TAS2R1: variants seen among roughly 807,000 people sequenced by gnomAD.
TAS2R1 encodes the protein taste receptor type 2 member 1.
For missense variants in TAS2R1, 370 were observed against 353.4 expected, an observed-to-expected ratio of 1.05 and a Z score of -0.38; for synonymous variants, 141 against 134.2, an observed-to-expected ratio of 1.05 and a Z score of -0.35.
At chr5:9,763,733 G>A in the TAS2R1 span, among the ~76,000 whole-genome samples, 4 of 152,242 alleles carry the variant, frequency 2.6e-5, no homozygotes, top group African/African-American at 7.2e-5. Flanking sequence ...GCCAAGTGCC[G>A]CAACCCAGCA....
At chr5:9,648,761 C>T (rs17272325) in intron 2 of TAS2R1, among the ~76,000 whole-genome samples, 29,009 of 151,878 alleles carry the variant, frequency 0.19, 2,846 homozygotes, top group South Asian at 0.22. Context: ...ATATCATGGC[C>T]GACCAGTGAC....
the TAS2R1 span, among the ~76,000 whole-genome samples, chr5:9,738,172 C>A: frequency 5.3e-5 from 8 of 152,290 alleles, no homozygotes; most frequent in Non-Finnish European, 1.0e-4. Context: ...TCAGGATAAA[C>A]TAGCACATTC....
intron 1 of TAS2R1, among the ~76,000 whole-genome samples, chr5:9,687,666 T>C (rs762232411): frequency 5.9e-5 from 9 of 152,248 alleles, no homozygotes; most frequent in Non-Finnish European, 8.8e-5. Context: ...GGAAAGAAGA[T>C]TAAAGTCTGT....
rs1190853264 is a variant in TAS2R1 at position 9,675,144 on chromosome 5, A to G, written c.-241-15563T>C. Among the ~76,000 whole-genome samples the G allele has an allele frequency of 2.0e-5, 3 of 149,392 alleles. No homozygotes were observed. In the East Asian group the frequency reaches 5.8e-4, roughly 29 times the overall value. On this transcript the variant is annotated intron_variant, in intron 1 of 2. Coordinates refer to the TAS2R1 transcript ENST00000506620. ...TATATCTAATATATATATGTAATTT[A>G]TGTACAGAAAACTCTGATGAAATAA... is the stretch of plus-strand genomic sequence containing the variant.
chr5:9,826,021 T>C, the TAS2R1 span, among the ~76,000 whole-genome samples: 1 of 152,226 alleles, frequency 6.6e-6, no homozygotes, highest in African/African-American at 2.4e-5. Flanking sequence ...ATATTGTTTC[T>C]AGGCCATTTC....
chr5:9,768,823 C>T, the TAS2R1 span, among the ~76,000 whole-genome samples: 2 of 152,098 alleles, frequency 1.3e-5, no homozygotes, highest in Non-Finnish European at 2.9e-5. Context: ...TTATGGGGTG[C>T]ATAAGATATT....
chr5:9,647,512 G>A (rs77520293), intron 2 of TAS2R1, among the ~76,000 whole-genome samples: 2 of 152,084 alleles, frequency 1.3e-5, no homozygotes, highest in Non-Finnish European at 2.9e-5. Context: ...ATAGGAGTCT[G>A]CACCTCCTCC....
At chr5:9,669,545 A>G (rs1179772869) in intron 1 of TAS2R1, among the ~76,000 whole-genome samples, 1 of 152,124 alleles carries the variant, frequency 6.6e-6, no homozygotes, top group Admixed American at 6.6e-5. Context: ...AAACAACCAA[A>G]ATTATACCAA....
the TAS2R1 span, among the ~76,000 whole-genome samples, chr5:9,798,372 G>A: frequency 1.3e-5 from 2 of 152,126 alleles, no homozygotes; most frequent in African/African-American, 4.8e-5. Flanking sequence ...CTTAAAACAG[G>A]TGAAATTATA....
the TAS2R1 span, among the ~76,000 whole-genome samples, chr5:9,783,246 C>T: frequency 1.3e-5 from 2 of 152,224 alleles, no homozygotes; most frequent in South Asian, 2.1e-4. Flanking sequence ...AATCATCTCA[C>T]TCAGGCATCT....
chr5:9,863,359 C>A, the TAS2R1 span, among the ~76,000 whole-genome samples: 1 of 146,458 alleles, frequency 6.8e-6, no homozygotes, highest in Non-Finnish European at 1.5e-5. Flanking sequence ...CAAAGCTCTG[C>A]CTCCTGGGTT....
chr5:9,800,242 C>G, the TAS2R1 span, among the ~76,000 whole-genome samples: 417 of 152,234 alleles, frequency 2.7e-3, 2 homozygotes, highest in African/African-American at 9.7e-3. Flanking sequence ...ATTACGCAGC[C>G]CAATATGTCA....
chr5:9,719,611 C>G, the TAS2R1 span, among the ~76,000 whole-genome samples: 34,849 of 152,068 alleles, frequency 0.23, 4,744 homozygotes, highest in African/African-American at 0.38. Flanking sequence ...CTGGACTCTT[C>G]TGGCTTCCTG....
rs1457996792 is a variant in TAS2R1, at chr5:9,640,036, G to A, written c.-80-10044C>T. Among the ~76,000 whole-genome samples, 4 of 152,186 alleles carry A rather than the reference G, an allele frequency of 2.6e-5. No homozygotes were observed. In the Middle Eastern group the frequency reaches 0.01, roughly 388 times the overall value. On this transcript the variant is annotated intron_variant, in intron 2 of 2. Coordinates refer to the TAS2R1 transcript ENST00000506620. ...CAACCTAAGCATTTGGCCTATCATG[G>A]CTCTCAACATGCCTTTCTCACTAAG... is the stretch of plus-strand genomic sequence containing the variant.
At chr5:9,876,231 A>G in the TAS2R1 span, among the ~76,000 whole-genome samples, 1 of 151,476 alleles carries the variant, frequency 6.6e-6, no homozygotes, top group Non-Finnish European at 1.5e-5. Flanking sequence ...AAGGACGACA[A>G]ACCAAAAAAA....
chr5:9,691,925 T>G (rs1007803716), intron 1 of TAS2R1, among the ~76,000 whole-genome samples: 3 of 152,156 alleles, frequency 2.0e-5, no homozygotes, highest in African/African-American at 7.2e-5. Context: ...AAAACAGGGA[T>G]GACATATTCT....
intron 1 of TAS2R1, among the ~76,000 whole-genome samples, chr5:9,678,887 A>G (rs1740937590): frequency 6.6e-6 from 1 of 152,150 alleles, no homozygotes; most frequent in South Asian, 2.1e-4. Flanking sequence ...GCACATGTTT[A>G]CCTATGTAAC....
chr5:9,874,254 G>T, the TAS2R1 span, among the ~76,000 whole-genome samples: 1 of 152,008 alleles, frequency 6.6e-6, no homozygotes, highest in Admixed American at 6.6e-5. Flanking sequence ...AACTGCTCTC[G>T]CTTGAGATTA....
At chr5:9,876,515 T>C in the TAS2R1 span, among the ~76,000 whole-genome samples, 1 of 152,288 alleles carries the variant, frequency 6.6e-6, no homozygotes, top group East Asian at 1.9e-4. Flanking sequence ...TTTTGTCTAA[T>C]CCTAAAGCAA....
Sources: allele counts gnomAD v4.1 joint callset (sites outside exome capture counted in the v4.1 genomes callset), GRCh38; gene constraint gnomAD v4.1.1; transcripts MANE v1.5; gene names NCBI Gene and HGNC (gene_info 2026-07-23, HGNC 2026-07-21).